KCNK4: variants seen among roughly 807,000 people sequenced by gnomAD.
The protein encoded by KCNK4 is potassium two pore domain channel subfamily K member 4.
In KCNK4, 22 loss-of-function variants were observed where a neutral mutation model predicts 28.8. The ratio of observed to expected loss-of-function variants is 0.76; its 90% CI spans 0.55 to 1.09. The LOEUF is 1.09. Ranked by LOEUF, KCNK4 falls within the 50% of genes least tolerant of loss-of-function variation. KCNK4 has a pLI of 0.00. For missense variants in KCNK4, 483 were observed against 546.3 expected (o/e 0.88, Z 1.15); for synonymous variants, 263 against 252.9 (o/e 1.04, Z -0.38).
Position 64,297,280 on chromosome 11 carries a change from G to T in KCNK4, c.474+1G>T, listed in dbSNP as rs1301712212. 1 of 1,610,764 alleles carries T rather than the reference G, an allele frequency of 6.2e-7. No homozygotes were observed. The highest frequency in any genetic ancestry group is 2.2e-5 in the East Asian group (1 of 44,874). ...CGGTCACATTGAAGCCATCTTCTTG[G>T]TGAGCTGCTCCATGCCCTGCCTGCC... On this transcript the variant is annotated splice_donor_variant, in intron 4 of 6. Transcript: ENST00000422670. LOFTEE classifies it high-confidence loss of function.
At position 64,293,401 on chromosome 11, in the gene KCNK4, T is replaced by TC. The variant is rs199770582; in HGVS notation, c.189+196dup. Among the ~76,000 whole-genome samples, 305 of 152,254 alleles carry TC rather than the reference T, an allele frequency of 2.0e-3. 5 individuals carry two copies. The highest frequency in any genetic ancestry group is 0.015 in the South Asian group (71 of 4,824). On this transcript the variant is annotated intron_variant, in intron 2 of 6. Transcript: ENST00000422670. ...AGGGCAACTGTGGGGTCATTTGTTT[T>TC]CCTGGAGAGCCTGGCACAGGACTGT...
chr11:64,293,934 G>C (rs1223681175), intron 2 of KCNK4, among the ~76,000 whole-genome samples: 1 of 152,104 alleles, frequency 6.6e-6, no homozygotes, highest in Non-Finnish European at 1.5e-5. Context: ...TCCATCCCAA[G>C]CAATATTTTT....
chr11:64,293,397 G>A (rs1454450949), intron 2 of KCNK4, among the ~76,000 whole-genome samples, 190 bp downstream of exon 2: 1 of 152,124 alleles, frequency 6.6e-6, no homozygotes, highest in African/African-American at 2.4e-5. Context: ...GGGGTCATTT[G>A]TTTTCCTGGA....
intron 2 of KCNK4, among the ~76,000 whole-genome samples, chr11:64,295,884 T>C (rs2034753305): frequency 6.6e-6 from 1 of 152,052 alleles, no homozygotes; most frequent in Admixed American, 6.6e-5. Context: ...ACCATTCTGG[T>C]ACCTTGACAC....
At position 64,293,204 on chromosome 11, in the gene KCNK4, C is replaced by T; in HGVS notation, c.186C>T (p.Ile62=). The change falls in exon 2 of 7, where the codon ATC becomes ATT. Residue 62 remains isoleucine, a synonymous_variant. Coordinates refer to ENST00000422670, the MANE Select transcript of KCNK4 (RefSeq NM_033310.3). ...GCGACCAGGAGCTGGGCCTCCTCAT[C>T]AAGGTGCGTGGGTGGGCCGCAGCCC... ...CVSDQELGLL[I]KEVADALGGG... The T allele has an allele frequency of 6.8e-7, 1 of 1,462,480 alleles. No homozygotes were observed. Among genetic ancestry groups the T allele is most frequent in the Non-Finnish European group, 9.1e-7 (1 of 1,100,086 alleles). The allele number at this position is 1,462,480 out of a possible 1,614,324, so 90.6% of individuals were successfully genotyped here.
At chr11:64,292,865 G>A in intron 1 of KCNK4, 77 bp from the exon 2 acceptor site, 1 of 1,379,262 alleles carries the variant, frequency 7.3e-7, no homozygotes, top group Non-Finnish European at 9.4e-7. Flanking sequence ...GGATCTTTGG[G>A]TGTGTAGGGG....
Position 64,297,207 on chromosome 11 carries a change from A to C in KCNK4, c.402A>C (p.Leu134=). 1 of 1,614,074 alleles carries C rather than the reference A, an allele frequency of 6.2e-7. No homozygotes were observed. The highest frequency in any genetic ancestry group is 8.5e-7 in the Non-Finnish European group (1 of 1,180,010). The part of the protein sequence containing the change: ...ALVGIPLFGI[L]LAGVGDRLGS... ...TGGGGATTCCGCTGTTTGGGATCCTACTGGCAGGGGTCGGGGACCGGCTGG... is the reference window on the plus strand; with the variant it reads ...TGGGGATTCCGCTGTTTGGGATCCTCCTGGCAGGGGTCGGGGACCGGCTGG... Residue 134 remains leucine (L), a synonymous_variant, in exon 4 of 7, where the codon CTA becomes CTC. Transcript: ENST00000422670.
Position 64,299,456 on chromosome 11 carries a change from G to A in KCNK4, c.912G>A (p.Leu304=), listed in dbSNP as rs1591231911. ...APPPEKEQPL[L]PPPPCPAQPL... is the part of the protein sequence containing the mutation. ...CGCCGGAGAAGGAGCAGCCACTGCTGCCTCCACCGCCCTGTCCAGCGCAGC... is the reference window on the plus strand; with the variant it reads ...CGCCGGAGAAGGAGCAGCCACTGCTACCTCCACCGCCCTGTCCAGCGCAGC... The change falls in exon 7 of 7, where the codon CTG becomes CTA. Residue 304 remains leucine, a synonymous_variant. Coordinates refer to ENST00000422670, the MANE Select transcript of KCNK4 (RefSeq NM_033310.3). 6.2e-7 allele frequency: 1 copy of A among 1,601,728 alleles called. No homozygotes were observed. The highest frequency in any genetic ancestry group is 8.5e-7 in the Non-Finnish European group (1 of 1,176,030).
Position 64,292,986 on chromosome 11 carries a change from G to A in KCNK4, c.-33G>A. 1 of 1,518,980 alleles carries A rather than the reference G, an allele frequency of 6.6e-7. No individual in the cohort carries two copies. Among genetic ancestry groups the A allele is most frequent in the Non-Finnish European group, 8.8e-7 (1 of 1,135,156 alleles). The allele number at this position is 1,518,980 out of a possible 1,614,324, so 94.1% of individuals were successfully genotyped here. ...GCCCCCCGCCCGGCCCCTCCAGGCG[G>A]GCAGTGGAGCTGGCCCGGCGCCTGG... On this transcript the variant is annotated 5_prime_UTR_variant, in exon 2 of 7. Transcript: ENST00000422670.
In KCNK4 at chr11:64,299,428, C is replaced by A; in HGVS notation, c.884C>A (p.Pro295Gln). 6.3e-7 allele frequency: 1 copy of A among 1,585,970 alleles called. No individual in the cohort carries two copies. Among genetic ancestry groups the A allele is most frequent in the East Asian group, 2.3e-5 (1 of 43,112 alleles). ...RVTQRAGPAAPPPEKEQPLLP... is the reference protein window; with the variant it reads ...RVTQRAGPAAQPPEKEQPLLP... The stretch of plus-strand genomic sequence containing the variant: ...ACCCAGCGAGCCGGGCCCGCCGCCC[C>A]GCCGCCGGAGAAGGAGCAGCCACTG... The change falls in exon 7 of 7, where the codon CCG (proline) becomes CAG (glutamine). Residue 295 changes from proline to glutamine, a missense_variant. Pro to Gln is a moderately conservative substitution (Grantham distance 76). Transcript: ENST00000422670.
At chr11:64,297,353 C>T (rs956281176) in intron 4 of KCNK4, 74 bp downstream of exon 4, 90 of 1,572,996 alleles carry the variant, frequency 5.7e-5, no homozygotes, top group Non-Finnish European at 7.1e-5. Flanking sequence ...GGCACATGAG[C>T]GCGCCCCCAA....
intron 1 of KCNK4, chr11:64,291,993 GCC>G: frequency 8.6e-7 from 1 of 1,168,098 alleles, no homozygotes. Context: ...CTGCGCGGTG[GCC>G]CTGCTGTCTG....
chr11:64,299,744 G>A lies in KCNK4; in HGVS notation c.*18G>A. 2 of 1,545,664 alleles carry A rather than the reference G, an allele frequency of 1.3e-6. No homozygotes were observed. The highest frequency in any genetic ancestry group is 1.2e-5 in the South Asian group (1 of 85,152). On this transcript the variant is annotated 3_prime_UTR_variant, in exon 7 of 7. Transcript: ENST00000422670. ...CGGTGTAGGGGCAGGATCCCTGGCCGGGCCTCTCAAGGGCTTCGTTTCTGC... is the reference window on the plus strand; with the variant it reads ...CGGTGTAGGGGCAGGATCCCTGGCCAGGCCTCTCAAGGGCTTCGTTTCTGC...
chr11:64,299,261 C>G, intron 6 of KCNK4, 85 bp from the exon 7 acceptor site: 1 of 1,261,584 alleles, frequency 7.9e-7, no homozygotes, highest in Middle Eastern at 2.8e-4. Flanking sequence ...GGGGTTTGAT[C>G]CCTGCTGGTG....
chr11:64,294,743 G>A (rs2034724278), intron 2 of KCNK4, among the ~76,000 whole-genome samples: 1 of 152,124 alleles, frequency 6.6e-6, no homozygotes. Context: ...CAGTGTTCCA[G>A]CAGATTCTCA....
rs199677022 is a variant in KCNK4 at position 64,297,000 on chromosome 11, C to T, written c.312C>T (p.Ile104=). 5.1e-5 allele frequency: 79 copies of T among 1,543,792 alleles called. No homozygotes were observed. Among genetic ancestry groups the T allele is most frequent in the Admixed American group, 8.1e-5 (4 of 49,538 alleles). The change falls in exon 3 of 7, where the codon ATC becomes ATT. Residue 104 remains isoleucine (I), a splice_region_variant and synonymous_variant. Coordinates refer to ENST00000422670, the MANE Select transcript of KCNK4 (RefSeq NM_033310.3). ...FFFSGTIITT[I]GYGNVALRTD... The stretch of plus-strand genomic sequence containing the variant: ...TCTCAGGGACCATCATCACCACCAT[C>T]GGTGGGGGAGGGGATTGGCATGTGG...
chr11:64,297,046 C>G, intron 3 of KCNK4, 45 bp downstream of exon 3: 1 of 1,594,202 alleles, frequency 6.3e-7, no homozygotes, highest in East Asian at 2.2e-5. Flanking sequence ...GGAGCTTCCT[C>G]ATGGGGGAAG....
In KCNK4 at chr11:64,299,465, G is replaced by A. The variant is rs1050288979; in HGVS notation, c.921G>A (p.Pro307=). The change falls in exon 7 of 7, where the codon CCG becomes CCA. Residue 307 remains proline (P), a synonymous_variant. Transcript: ENST00000422670. The part of the protein sequence containing the change: ...PEKEQPLLPP[P]PCPAQPLGRP... Reference sequence around the variant, plus strand: ...AGGAGCAGCCACTGCTGCCTCCACCGCCCTGTCCAGCGCAGCCGCTGGGCA... The same window carrying A: ...AGGAGCAGCCACTGCTGCCTCCACCACCCTGTCCAGCGCAGCCGCTGGGCA... 3.7e-6 allele frequency: 6 copies of A among 1,604,070 alleles called. No individual in the cohort carries two copies. The highest frequency in any genetic ancestry group is 1.1e-5 in the South Asian group (1 of 90,524).
At chr11:64,297,688 C>T (rs1704584840) in intron 5 of KCNK4, 35 bp downstream of exon 5, 3 of 1,589,892 alleles carry the variant, frequency 1.9e-6, no homozygotes, top group Non-Finnish European at 2.6e-6. Context: ...ACTTTCCCAT[C>T]TACTTTATTC....
Sources: gnomAD v4.1 joint callset for allele counts (sites outside exome capture counted in the v4.1 genomes callset) on GRCh38, gnomAD v4.1.1 for gene constraint, MANE v1.5 for transcripts, NCBI Gene and HGNC (gene_info 2026-07-23, HGNC 2026-07-21) for gene names.